RCAN1: variants seen among roughly 807,000 people sequenced by gnomAD.
RCAN1 encodes regulator of calcineurin 1, also known as calcipressin-1.
RCAN1 carries 11 observed loss-of-function variants against 22.9 expected under a neutral mutation model. That is an observed-to-expected ratio of 0.48 (90% CI 0.30 to 0.79). The LOEUF is 0.79. Ranked by LOEUF, RCAN1 falls within the 30% of genes least tolerant of loss-of-function variation. The pLI, the probability that RCAN1 is intolerant of heterozygous loss-of-function variation, is 0.06. For synonymous variants in RCAN1, 136 were observed against 142.3 expected, an observed-to-expected ratio of 0.96 and a Z score of 0.32; for missense variants, 291 against 337.8, an observed-to-expected ratio of 0.86 and a Z score of 1.09.
At position 34,518,422 on chromosome 21, in the gene RCAN1, C is replaced by T. The variant is rs1353828408; in HGVS notation, c.587-166G>A. On this transcript the variant is annotated intron_variant, in intron 3 of 3. Coordinates refer to ENST00000313806, the MANE Select transcript of RCAN1 (RefSeq NM_004414.7). This position sits in a 1 kb window ranked among gnomAD's most constrained non-coding sequence, Gnocchi z 4.2. Reference sequence around the variant, plus strand: ...TTGGGTTTGTATTTCTTTGCTAGCTCATTCAGAAAAAGAGAGATTTCCATT... The same window carrying T: ...TTGGGTTTGTATTTCTTTGCTAGCTTATTCAGAAAAAGAGAGATTTCCATT... Among the ~76,000 whole-genome samples the T allele has an allele frequency of 6.6e-6, 1 of 152,174 alleles. No individual in the cohort carries two copies. Among genetic ancestry groups the T allele is most frequent in the South Asian group, 2.1e-4 (1 of 4,834 alleles).
At chr21:34,521,029 A>C in intron 3 of RCAN1, 1 of 1,128,480 alleles carries the variant, frequency 8.9e-7, no homozygotes, top group Admixed American at 4.7e-5. Context: ...ACCATGGCCT[A>C]TGGTTCTCCT....
intron 1 of RCAN1, among the ~76,000 whole-genome samples, chr21:34,595,982 G>A (rs116418722): frequency 0.013 from 1,971 of 152,334 alleles, 48 homozygotes; most frequent in African/African-American, 0.046. Context: ...GGAGCAGAGG[G>A]GGCCCTTCCT....
Position 34,614,646 on chromosome 21 carries a change from T to C in RCAN1, c.252+114A>G. 1 of 1,134,274 alleles carries C rather than the reference T, an allele frequency of 8.8e-7. No individual in the cohort carries two copies. 70.3% of individuals were successfully genotyped at this position (1,134,274 alleles called of 1,614,324 possible). ...CCGCGGCCGAGCAGCCCGGGGGACG[T>C]CGCTGCCTCCCCGCCCCGCGCGCGG... On this transcript the variant is annotated intron_variant, in intron 1 of 3. Coordinates refer to ENST00000313806, the MANE Select transcript of RCAN1 (RefSeq NM_004414.7). This position sits in a 1 kb window ranked among gnomAD's most constrained non-coding sequence, Gnocchi z 6.0.
At chr21:34,600,229 G>A (rs74681532) in intron 1 of RCAN1, among the ~76,000 whole-genome samples, 2,181 of 152,274 alleles carry the variant, frequency 0.014, 44 homozygotes, top group African/African-American at 0.05. Flanking sequence ...GCACAGCAGG[G>A]TGCTGCCTAC....
At chr21:34,579,115 C>G (rs1341229518) in intron 1 of RCAN1, among the ~76,000 whole-genome samples, 3 of 152,148 alleles carry the variant, frequency 2.0e-5, no homozygotes, top group African/African-American at 7.2e-5. Context: ...GATGTTATGG[C>G]CGGGCGCGGT....
At chr21:34,557,017 AG>A (rs1986602944) in intron 1 of RCAN1, among the ~76,000 whole-genome samples, 1 of 152,230 alleles carries the variant, frequency 6.6e-6, no homozygotes, top group Admixed American at 6.5e-5. Flanking sequence ...GTTCGAGACC[AG>A]CCTGGCCAAC....
At chr21:34,520,894 C>T (rs560058058) in intron 3 of RCAN1, among the ~76,000 whole-genome samples, 79 of 152,218 alleles carry the variant, frequency 5.2e-4, no homozygotes, top group Non-Finnish European at 3.4e-4. Context: ...GAACCTACCC[C>T]CTCCCCGCAG....
At chr21:34,591,752 G>A (rs1194617903) in intron 1 of RCAN1, among the ~76,000 whole-genome samples, 1 of 152,182 alleles carries the variant, frequency 6.6e-6, no homozygotes, top group Non-Finnish European at 1.5e-5. Flanking sequence ...ATACGTAAAT[G>A]TCCATTATTT....
At chr21:34,566,769 C>G (rs940577155) in intron 1 of RCAN1, among the ~76,000 whole-genome samples, 25 of 152,148 alleles carry the variant, frequency 1.6e-4, no homozygotes, top group African/African-American at 5.8e-4. Flanking sequence ...GGTGTGGCCT[C>G]AGGAAGCTTC....
intron 1 of RCAN1, among the ~76,000 whole-genome samples, chr21:34,570,494 C>G (rs1987195856): frequency 6.6e-6 from 1 of 152,232 alleles, no homozygotes; most frequent in Admixed American, 6.5e-5. Flanking sequence ...AGCAGCATGA[C>G]TGACGTCTTG....
chr21:34,524,264 A>G (rs1984836504), intron 1 of RCAN1: 1 of 152,846 alleles, frequency 6.5e-6, no homozygotes, highest in South Asian at 2.1e-4. Flanking sequence ...AGTTGCCAAT[A>G]CATAGACACT....
chr21:34,538,291 A>G (rs1232411065), intron 1 of RCAN1, among the ~76,000 whole-genome samples: 5 of 152,172 alleles, frequency 3.3e-5, no homozygotes, highest in Non-Finnish European at 1.5e-5. Flanking sequence ...GTACAAATCT[A>G]TGGTACATTT....
intron 1 of RCAN1, among the ~76,000 whole-genome samples, chr21:34,545,715 C>G (rs372770589): frequency 6.6e-6 from 1 of 152,156 alleles, no homozygotes; most frequent in Non-Finnish European, 1.5e-5. Context: ...CTGGTCAGTC[C>G]CCTCTCCCTA....
chr21:34,582,474 A>C (rs1283784037), intron 1 of RCAN1, among the ~76,000 whole-genome samples: 1 of 152,082 alleles, frequency 6.6e-6, no homozygotes, highest in Non-Finnish European at 1.5e-5. Flanking sequence ...GGAGTAAGCC[A>C]TGTGGGTATC....
At chr21:34,555,335 A>G (rs1489304287) in intron 1 of RCAN1, among the ~76,000 whole-genome samples, 2 of 152,182 alleles carry the variant, frequency 1.3e-5, no homozygotes, top group Admixed American at 1.3e-4. Context: ...AAGAAAGTAC[A>G]TTTACTTTAT....
At chr21:34,551,463 T>C (rs1464523431) in intron 1 of RCAN1, among the ~76,000 whole-genome samples, 1 of 152,206 alleles carries the variant, frequency 6.6e-6, no homozygotes, top group African/African-American at 2.4e-5. Flanking sequence ...TAACCTACTT[T>C]TACTGGGACA....
At chr21:34,594,280 G>A (rs559684677) in intron 1 of RCAN1, among the ~76,000 whole-genome samples, 4 of 152,284 alleles carry the variant, frequency 2.6e-5, no homozygotes, top group East Asian at 1.9e-4. Flanking sequence ...TGGGCCGGGC[G>A]CGGTGGCTCA....
At chr21:34,520,444 C>G (rs1190246701) in intron 3 of RCAN1, among the ~76,000 whole-genome samples, 2 of 152,198 alleles carry the variant, frequency 1.3e-5, no homozygotes, top group Non-Finnish European at 2.9e-5. Flanking sequence ...CTTCACGCCA[C>G]AATTAGCAGT....
At position 34,518,175 on chromosome 21, in the gene RCAN1, T is replaced by C. The variant is rs1378151518; in HGVS notation, c.668A>G (p.Glu223Gly). ...VHVCESDQEKEEEEEMERMRR... is the reference protein window; with the variant it reads ...VHVCESDQEKGEEEEMERMRR... ...CATTCTTTCCATTTCCTCTTCTTCC[T>C]CCTTCTCTTGATCACTCTCACATAC... is the stretch of plus-strand genomic sequence containing the variant. The change falls in exon 4 of 4, where the codon GAG becomes GGG. Residue 223 changes from glutamate to glycine, a missense_variant. Transcript: ENST00000313806. This position sits in a 1 kb window ranked among gnomAD's most constrained non-coding sequence, Gnocchi z 4.2. 14 of 1,614,080 alleles carry C rather than the reference T, an allele frequency of 8.7e-6. No homozygotes were observed. Among genetic ancestry groups the C allele is most frequent in the African/African-American group, 1.3e-5 (1 of 74,916 alleles).
Sources: gnomAD v4.1 joint callset for allele counts (sites outside exome capture counted in the v4.1 genomes callset) on GRCh38, gnomAD v4.1.1 for gene constraint, Gnocchi (gnomAD v3.1) non-coding constraint, MANE v1.5 for transcripts, NCBI Gene and HGNC (gene_info 2026-07-23, HGNC 2026-07-21) for gene names.